The following ANKRD18B variants were observed in gnomAD, a reference collection of about 807,000 sequenced individuals.
The protein encoded by ANKRD18B is ankyrin repeat domain-containing protein 18B.
In ANKRD18B, 75 loss-of-function variants were observed where a neutral mutation model predicts 111.8. The ratio of observed to expected loss-of-function variants is 0.67; its 90% CI spans 0.56 to 0.81. The LOEUF is 0.81. ANKRD18B is among the 40% of genes least tolerant of loss of function. The probability of loss-of-function intolerance (pLI) is 0.00; values close to 1 mark genes in which losing one functional copy is unlikely to be tolerated. For synonymous variants in ANKRD18B, 356 were observed against 417.3 expected (o/e 0.85, Z 1.79); for missense variants, 1,038 against 1,225.5 (o/e 0.85, Z 2.28).
chr9:33,572,757 T>TA lies in ANKRD18B; in HGVS notation c.*326dup, dbSNP rs1828801680. 1.0e-6 allele frequency: 1 copy of TA among 1,002,250 alleles called. No homozygotes were observed. Among genetic ancestry groups the TA allele is most frequent in the South Asian group, 4.3e-5 (1 of 23,056 alleles). 62.1% of individuals were successfully genotyped at this position (1,002,250 alleles called of 1,614,324 possible). A position where few individuals can be genotyped will look rare whatever the true frequency, so the allele number is the denominator to read the frequency against. On this transcript the variant is annotated 3_prime_UTR_variant, in exon 19 of 19. Coordinates refer to ENST00000684830, the MANE Select transcript of ANKRD18B (RefSeq NM_001393611.1). ...TTATTACCATATATAGTAGGAGACT[T>TA]AAAGAGTATCTGCCAGGTTTGTCCA...
At position 33,566,247 on chromosome 9, in the gene ANKRD18B, C is replaced by T; in HGVS notation, c.2489C>T (p.Ala830Val). Residue 830 changes from alanine to valine, a missense_variant, in exon 15 of 19, where the codon GCT becomes GTT. Coordinates refer to ENST00000684830, the MANE Select transcript of ANKRD18B (RefSeq NM_001393611.1). Reference protein sequence around the residue: ...KFDDLMAEKEAVSSKCVNLAK... With the variant: ...KFDDLMAEKEVVSSKCVNLAK... ...GATGATCTTATGGCCGAGAAGGAAG[C>T]TGTATCTTCAAAATGTGTCAATTTG... is the stretch of plus-strand genomic sequence containing the variant. The T allele has an allele frequency of 6.4e-7, 1 of 1,558,064 alleles. No homozygotes were observed. Among genetic ancestry groups the T allele is most frequent in the Non-Finnish European group, 8.7e-7 (1 of 1,149,182 alleles).
Position 33,548,138 on chromosome 9 carries a change from G to T in ANKRD18B, c.1350G>T (p.Met450Ile), listed in dbSNP as rs1338234688. ...FEKSVRLNEE[M>I]ITKKVAQYSQ... ...AGAGTGTAAGACTCAATGAAGAAATGATAACAAAAAAAGTGGCCCAGTATT... is the reference window on the plus strand; with the variant it reads ...AGAGTGTAAGACTCAATGAAGAAATTATAACAAAAAAAGTGGCCCAGTATT... The change falls in exon 11 of 19, where the codon ATG becomes ATT. Residue 450 changes from methionine to isoleucine, a missense_variant. Around this residue, in one of 4 missense-constraint regions of ANKRD18B, gnomAD observed 205 missense variants for 201.3 expected, o/e 1.02. Coordinates refer to ENST00000684830, the MANE Select transcript of ANKRD18B (RefSeq NM_001393611.1). 7.2e-6 allele frequency: 11 copies of T among 1,533,778 alleles called. No homozygotes were observed. Among genetic ancestry groups the T allele is most frequent in the African/African-American group, 1.4e-5 (1 of 71,722 alleles).
At chr9:33,552,121 C>A (rs537629992) in intron 12 of ANKRD18B, among the ~76,000 whole-genome samples, 63 of 152,278 alleles carry the variant, frequency 4.1e-4, no homozygotes, top group Admixed American at 7.2e-4. Flanking sequence ...ACAAAATATA[C>A]CATACCAATT....
intron 8 of ANKRD18B, 50 bp from the exon 9 acceptor site, chr9:33,541,097 G>C (rs1400926481): frequency 9.1e-6 from 14 of 1,535,586 alleles, no homozygotes; most frequent in Non-Finnish European, 1.2e-5. Flanking sequence ...AGGAGGCAGA[G>C]GGATGATGTT....
intron 1 of ANKRD18B, among the ~76,000 whole-genome samples, chr9:33,527,750 G>A (rs1828047345): frequency 6.6e-6 from 1 of 152,192 alleles, no homozygotes; most frequent in East Asian, 1.9e-4. Flanking sequence ...GCCTAGAACG[G>A]CCCTAGACCT....
chr9:33,532,024 G>A (rs1421076642), intron 3 of ANKRD18B, among the ~76,000 whole-genome samples: 1 of 152,138 alleles, frequency 6.6e-6, no homozygotes, highest in Non-Finnish European at 1.5e-5. Context: ...CACGAGGTCA[G>A]GAGATGGAGA....
Position 33,524,292 on chromosome 9 carries a change from G to C in ANKRD18B, c.-198G>C. The C allele has an allele frequency of 7.7e-7, 1 of 1,298,554 alleles. No homozygotes were observed. Among genetic ancestry groups the C allele is most frequent in the Non-Finnish European group, 9.9e-7 (1 of 1,006,756 alleles). The allele number at this position is 1,298,554 out of a possible 1,614,324, so 80.4% of individuals were successfully genotyped here. Reference sequence around the variant, plus strand: ...CGAGAGGTCGGAGGCTGCGAGTGTCGCTGCTGAAGGCTGTAGTGGACCGGG... The same window carrying C: ...CGAGAGGTCGGAGGCTGCGAGTGTCCCTGCTGAAGGCTGTAGTGGACCGGG... On this transcript the variant is annotated 5_prime_UTR_variant, in exon 1 of 19. Coordinates refer to ENST00000684830, the MANE Select transcript of ANKRD18B (RefSeq NM_001393611.1).
intron 5 of ANKRD18B, 56 bp downstream of exon 5, chr9:33,534,563 T>C: frequency 2.0e-6 from 3 of 1,466,344 alleles, no homozygotes; most frequent in Non-Finnish European, 2.7e-6. Context: ...TAAATAATTA[T>C]AACTATTGCA....
chr9:33,545,634 A>T (rs1828344329), intron 10 of ANKRD18B, among the ~76,000 whole-genome samples: 1 of 152,236 alleles, frequency 6.6e-6, no homozygotes, highest in Non-Finnish European at 1.5e-5. Context: ...ATGAAACATG[A>T]ATTAGAAAAT....
chr9:33,558,813 G>T (rs1054063056), intron 14 of ANKRD18B, among the ~76,000 whole-genome samples: 2 of 152,154 alleles, frequency 1.3e-5, no homozygotes, highest in African/African-American at 4.8e-5. Context: ...TTCTGAGCCA[G>T]TATGGTGACT....
intron 3 of ANKRD18B, among the ~76,000 whole-genome samples, chr9:33,529,384 T>C (rs1403411276): frequency 6.6e-6 from 1 of 152,226 alleles, no homozygotes; most frequent in Non-Finnish European, 1.5e-5. Flanking sequence ...TATTTGTGAA[T>C]TTGTTAAGGT....
intron 13 of ANKRD18B, among the ~76,000 whole-genome samples, chr9:33,556,143 G>A (rs934591811): frequency 1.5e-4 from 23 of 152,292 alleles, no homozygotes; most frequent in African/African-American, 5.1e-4. Flanking sequence ...GGGGTTGGGA[G>A]TCAGCTGAGC....
At chr9:33,556,082 G>A (rs542465543) in intron 13 of ANKRD18B, among the ~76,000 whole-genome samples, 206 of 152,194 alleles carry the variant, frequency 1.4e-3, no homozygotes, top group African/African-American at 4.8e-3. Context: ...ATGAAAAATA[G>A]ATCTCTGGAT....
At chr9:33,545,672 A>G (rs1446912054) in intron 10 of ANKRD18B, among the ~76,000 whole-genome samples, 1 of 152,242 alleles carries the variant, frequency 6.6e-6, no homozygotes, top group African/African-American at 2.4e-5. Context: ...ACATAGTGAC[A>G]GAACATCAAA....
intron 10 of ANKRD18B, among the ~76,000 whole-genome samples, chr9:33,545,244 T>A (rs1407038202): frequency 6.6e-6 from 1 of 152,134 alleles, no homozygotes; most frequent in Non-Finnish European, 1.5e-5. Flanking sequence ...GTTGTAATGA[T>A]ACAGAAATTG....
chr9:33,558,805 C>T (rs1281797036), intron 14 of ANKRD18B, among the ~76,000 whole-genome samples: 1 of 152,096 alleles, frequency 6.6e-6, no homozygotes, highest in African/African-American at 2.4e-5. Flanking sequence ...GAGGTTGATT[C>T]TGAGCCAGTA....
intron 5 of ANKRD18B, among the ~76,000 whole-genome samples, chr9:33,536,062 C>G (rs1410004313): frequency 6.6e-6 from 1 of 151,890 alleles, no homozygotes; most frequent in Non-Finnish European, 1.5e-5. Flanking sequence ...AAAGGTGCAG[C>G]CTCTAACACA....
intron 3 of ANKRD18B, among the ~76,000 whole-genome samples, chr9:33,529,735 G>A (rs1041122070): frequency 7.9e-5 from 12 of 152,112 alleles, no homozygotes; most frequent in Non-Finnish European, 1.5e-4. Flanking sequence ...GAGACAAAGC[G>A]CTCTTCAGCT....
chr9:33,542,759 A>C (rs1481193982), intron 9 of ANKRD18B, among the ~76,000 whole-genome samples: 1 of 152,226 alleles, frequency 6.6e-6, no homozygotes, highest in Admixed American at 6.5e-5. Context: ...GGTGTACACT[A>C]TAAAGGTATA....
Sources: gnomAD v4.1 joint callset for allele counts (sites outside exome capture counted in the v4.1 genomes callset) on GRCh38, gnomAD v4.1.1 for gene constraint, gnomAD v4.1.1 regional missense constraint, MANE v1.5 for transcripts, NCBI Gene and HGNC (gene_info 2026-07-23, HGNC 2026-07-21) for gene names.